AGA: variants seen among roughly 807,000 people sequenced by gnomAD.
AGA encodes aspartylglucosaminidase.
In AGA, 31 loss-of-function variants were observed where a neutral mutation model predicts 40.1. The ratio of observed to expected loss-of-function variants is 0.77; its 90% CI spans 0.58 to 1.04. The LOEUF (loss-of-function observed/expected upper bound fraction) is 1.04, where lower values mean the gene tolerates loss of function less well. AGA is among the 50% of genes least tolerant of loss of function. The pLI is 0.00. For missense variants in AGA, 445 were observed against 435.4 expected (o/e 1.02, Z -0.20); for synonymous variants, 148 against 144.0 (o/e 1.03, Z -0.20).
intron 1 of AGA, 139 bp from the exon 2 acceptor site, chr4:177,440,565 T>C (rs1040597958): frequency 1.0e-6 from 1 of 969,610 alleles, no homozygotes; most frequent in Non-Finnish European, 1.5e-6. Flanking sequence ...GTTTATCAAG[T>C]GTTACAAAGG....
intron 8 of AGA, among the ~76,000 whole-genome samples, chr4:177,432,515 G>C (rs191072420): frequency 2.6e-5 from 4 of 152,008 alleles, no homozygotes; most frequent in Non-Finnish European, 5.9e-5. Context: ...GCTTAAAAAA[G>C]AATAAAGCAT....
rs1183205681 is a variant in AGA at position 177,431,645 on chromosome 4, GAGC to G, written c.*60_*62del. ...ATGAGGAACACTAGATGATGAGAGT[GAGC>G]AGCCTTTTCAGCCTTTGTTTCTTTC... On this transcript the variant is annotated 3_prime_UTR_variant, in exon 9 of 9. Coordinates refer to ENST00000264595, the MANE Select transcript of AGA (RefSeq NM_000027.4). The G allele has an allele frequency of 7.4e-7, 1 of 1,347,318 alleles. No homozygotes were observed. Among genetic ancestry groups the G allele is most frequent in the Admixed American group, 1.8e-5 (1 of 56,650 alleles). The allele number at this position is 1,347,318 out of a possible 1,614,324, so 83.5% of individuals were successfully genotyped here. A position where few individuals can be genotyped will look rare whatever the true frequency, so the allele number is the denominator to read the frequency against.
At chr4:177,432,886 A>G (rs1011205377) in intron 8 of AGA, among the ~76,000 whole-genome samples, 2 of 152,182 alleles carry the variant, frequency 1.3e-5, no homozygotes, top group Admixed American at 1.3e-4. Context: ...ATCCTTGTCT[A>G]TTTTTAATTA....
At chr4:177,431,855 A>G (rs753682291) in intron 8 of AGA, 47 bp from the exon 9 acceptor site, 4 of 1,479,618 alleles carry the variant, frequency 2.7e-6, no homozygotes, top group Non-Finnish European at 3.8e-6. Context: ...TAGGATGCAC[A>G]TATTTATAAC....
intron 1 of AGA, 113 bp downstream of exon 1, chr4:177,442,136 C>G: frequency 6.7e-7 from 1 of 1,498,298 alleles, no homozygotes; most frequent in Non-Finnish European, 9.0e-7. Flanking sequence ...GAGGCCCGGC[C>G]CAGCCCGGCG....
rs765934592 is a variant in AGA, at chr4:177,440,357, C to A, written c.197G>T (p.Arg66Ile). ...AVESGCAMCEREQCDGSVGFG... is the reference protein window; with the variant it reads ...AVESGCAMCEIEQCDGSVGFG... ...GCCTACAGAGCCGTCACACTGCTCT[C>A]TCTCACACATGGCACAGCCGCTCTC... The change falls in exon 2 of 9, where the codon AGA (arginine) becomes ATA (isoleucine). Residue 66 changes from arginine (R) to isoleucine (I), a missense_variant. Physicochemically the swap from Arg to Ile is moderately conservative, Grantham distance 97. Coordinates refer to ENST00000264595, the MANE Select transcript of AGA (RefSeq NM_000027.4). 2 of 1,613,998 alleles carry A rather than the reference C, an allele frequency of 1.2e-6. No individual in the cohort carries two copies. The highest frequency in any genetic ancestry group is 2.7e-5 in the African/African-American group (2 of 74,900).
chr4:177,434,805 A>G (rs1579040721), intron 6 of AGA, among the ~76,000 whole-genome samples: 1 of 152,136 alleles, frequency 6.6e-6, no homozygotes, highest in Non-Finnish European at 1.5e-5. Context: ...AGGACACACA[A>G]TTCCAGTTAG....
chr4:177,442,147 C>T, intron 1 of AGA, 102 bp downstream of exon 1: 1 of 1,537,904 alleles, frequency 6.5e-7, no homozygotes, highest in Non-Finnish European at 8.8e-7. Flanking sequence ...CAGCCCGGCG[C>T]TCTTCCGTCC....
In AGA at chr4:177,436,160, C is replaced by T. The variant is rs1736808775; in HGVS notation, c.698+116G>A. 11 of 847,932 alleles carry T rather than the reference C, an allele frequency of 1.3e-5. No homozygotes were observed. The South Asian group carries it at 1.4e-4, about 11-fold the overall frequency. 52.5% of individuals were successfully genotyped at this position (847,932 alleles called of 1,614,324 possible). A position where few individuals can be genotyped will look rare whatever the true frequency, so the allele number is the denominator to read the frequency against. ...AGAGAGTACTGCATTTTCTTTCACA[C>T]TCATTCATCGCAGCTGTGAGACTAG... On this transcript the variant is annotated intron_variant, in intron 6 of 8. Coordinates refer to ENST00000264595, the MANE Select transcript of AGA (RefSeq NM_000027.4).
chr4:177,441,157 C>CACTTCAAGCATT (rs1736992151), intron 1 of AGA, among the ~76,000 whole-genome samples: 1 of 35,004 alleles, frequency 2.9e-5, no homozygotes, highest in African/African-American at 1.0e-4. Context: ...GGTTGGTAAA[C>CACTTCAAGCATT]ACTACAGCAC....
chr4:177,437,527 C>A lies in AGA; in HGVS notation c.508-8G>T. ...GGGATCTGGTATAACATTCTGTAAA[C>A]AAGATTTAAGTTTTATTTCTTACAA... On this transcript the variant is annotated splice_region_variant and splice_polypyrimidine_tract_variant and intron_variant, in intron 4 of 8. Coordinates refer to ENST00000264595, the MANE Select transcript of AGA (RefSeq NM_000027.4). The A allele has an allele frequency of 6.3e-7, 1 of 1,578,980 alleles. No homozygotes were observed.
chr4:177,439,964 G>A (rs968258812), intron 2 of AGA: 3 of 582,720 alleles, frequency 5.1e-6, no homozygotes, highest in Non-Finnish European at 9.1e-6. Context: ...GGGCCTGAAG[G>A]CTTCAGGTCA....
At position 177,430,861 on chromosome 4, in the gene AGA, C is replaced by T; in HGVS notation, c.*847G>A. Reference sequence around the variant, plus strand: ...AAATGCTGCTGAGAAAGCACGCGCACAACTTCTGTAGAGTTGTCATACAGA... The same window carrying T: ...AAATGCTGCTGAGAAAGCACGCGCATAACTTCTGTAGAGTTGTCATACAGA... On this transcript the variant is annotated 3_prime_UTR_variant, in exon 9 of 9. Transcript: ENST00000264595. 2.2e-6 allele frequency: 1 copy of T among 454,066 alleles called. No homozygotes were observed. The highest frequency in any genetic ancestry group is 1.6e-5 in the South Asian group (1 of 64,474). The allele number at this position is 454,066 out of a possible 1,614,324, so 28.1% of individuals were successfully genotyped here.
At chr4:177,439,425 A>G in intron 3 of AGA, 151 bp downstream of exon 3, 3 of 706,544 alleles carry the variant, frequency 4.2e-6, no homozygotes, top group Non-Finnish European at 7.6e-6. Context: ...AAGTAAAGAG[A>G]TTTAAAAGTT....
In AGA at chr4:177,442,418, C is replaced by T. The variant is rs1266961800; in HGVS notation, c.-43G>A. 6 of 1,613,090 alleles carry T rather than the reference C, an allele frequency of 3.7e-6. No individual in the cohort carries two copies. In the Admixed American group the frequency reaches 5.0e-5, roughly 13 times the overall value. On this transcript the variant is annotated 5_prime_UTR_variant, in exon 1 of 9. Coordinates refer to ENST00000264595, the MANE Select transcript of AGA (RefSeq NM_000027.4). ...ACCAGCGCGAGAAAAGTCCCGGCAG[C>T]CAGCGATCGCCGAACAATTAATCCC... is the stretch of plus-strand genomic sequence containing the variant.
chr4:177,436,178 G>C, intron 6 of AGA, 98 bp downstream of exon 6: 1 of 974,666 alleles, frequency 1.0e-6, no homozygotes. Flanking sequence ...TCGCAGCTGT[G>C]AGACTAGGGC....
chr4:177,436,622 A>G (rs1266315839), intron 5 of AGA, among the ~76,000 whole-genome samples: 1 of 152,168 alleles, frequency 6.6e-6, no homozygotes, highest in African/African-American at 2.4e-5. Flanking sequence ...ACGTGACGAC[A>G]CAGCAAGAAG....
At chr4:177,440,474 TC>T (rs770392499) in intron 1 of AGA, 48 bp from the exon 2 acceptor site, 26 of 1,584,106 alleles carry the variant, frequency 1.6e-5, no homozygotes, top group Non-Finnish European at 2.0e-5. Flanking sequence ...TATTTTTTTT[TC>T]AATGCCAAAT....
At chr4:177,436,168 T>C (rs547239925) in intron 6 of AGA, 108 bp downstream of exon 6, 2 of 894,864 alleles carry the variant, frequency 2.2e-6, no homozygotes, top group African/African-American at 3.3e-5. Flanking sequence ...CACTCATTCA[T>C]CGCAGCTGTG....
Sources: gnomAD v4.1 joint callset for allele counts (sites outside exome capture counted in the v4.1 genomes callset) on GRCh38, gnomAD v4.1.1 for gene constraint, MANE v1.5 for transcripts, NCBI Gene and HGNC (gene_info 2026-07-23, HGNC 2026-07-21) for gene names.